Variants in ADGB observed in about 807,000 individuals in gnomAD.
The protein encoded by ADGB is androglobin.
A neutral mutation model predicts 210.5 loss-of-function variants in ADGB; 172 were observed. The ratio of observed to expected loss-of-function variants is 0.82; its 90% CI spans 0.72 to 0.93. The LOEUF is 0.93. Ranked by LOEUF, ADGB falls within the 40% of genes least tolerant of loss-of-function variation. The pLI is 0.00. For synonymous variants in ADGB, 658 were observed against 662.7 expected (o/e 0.99, Z 0.11); for missense variants, 2,025 against 1,964.8 (o/e 1.03, Z -0.58).
Position 146,692,835 on chromosome 6 carries a change from A to G in ADGB, c.1497A>G (p.Val499=), listed in dbSNP as rs1776349683. Residue 499 remains valine (V), a synonymous_variant, in exon 12 of 36, where the codon GTA becomes GTG. Coordinates refer to ENST00000397944, the MANE Select transcript of ADGB (RefSeq NM_024694.4). ...VITDEAQELI[V]KKPERFLEIS... The stretch of plus-strand genomic sequence containing the variant: ...ACTGCTACTTTTTAGAGTTAATAGT[A>G]AAGAAGCCTGAACGGTTCCTTGAGA... 5 of 1,525,164 alleles carry G rather than the reference A, an allele frequency of 3.3e-6. No individual in the cohort carries two copies. The highest frequency in any genetic ancestry group is 4.4e-6 in the Non-Finnish European group (5 of 1,132,056). The allele number at this position is 1,525,164 out of a possible 1,614,324, so 94.5% of individuals were successfully genotyped here. A position where few individuals can be genotyped will look rare whatever the true frequency, so the allele number is the denominator to read the frequency against.
intron 30 of ADGB, among the ~76,000 whole-genome samples, chr6:146,784,340 T>C (rs1777842219): frequency 6.6e-6 from 1 of 152,170 alleles, no homozygotes; most frequent in South Asian, 2.1e-4. Context: ...GTGGTGTATA[T>C]CAATAGTTTA....
At chr6:146,600,350 C>T in intron 1 of ADGB, 1 of 271,752 alleles carries the variant, frequency 3.7e-6, no homozygotes, top group Non-Finnish European at 7.8e-6. Flanking sequence ...GCCGAGGACG[C>T]CCTTCAGAAT....
chr6:146,814,868 G>A (rs773897135), intron 35 of ADGB, among the ~76,000 whole-genome samples, 164 bp from the exon 36 acceptor site: 1 of 152,152 alleles, frequency 6.6e-6, no homozygotes, highest in Non-Finnish European at 1.5e-5. Context: ...TATGTTTTGT[G>A]TACTGATAAG....
chr6:146,801,737 G>C, intron 34 of ADGB, 91 bp from the exon 35 acceptor site: 3 of 1,133,334 alleles, frequency 2.6e-6, no homozygotes, highest in South Asian at 3.6e-5. Context: ...CCACACTGTT[G>C]ATATGATTTA....
intron 27 of ADGB, among the ~76,000 whole-genome samples, chr6:146,758,734 G>C (rs748134146): frequency 2.0e-5 from 3 of 151,804 alleles, no homozygotes; most frequent in African/African-American, 7.3e-5. Context: ...AAAACACACA[G>C]AAATCACTGT....
At chr6:146,767,251 C>T (rs759097520) in intron 28 of ADGB, among the ~76,000 whole-genome samples, 5 of 151,998 alleles carry the variant, frequency 3.3e-5, no homozygotes, top group Non-Finnish European at 7.4e-5. Flanking sequence ...ATACAAAGAA[C>T]AAAATAATTA....
intron 18 of ADGB, 142 bp from the exon 19 acceptor site, chr6:146,725,941 C>T: frequency 1.8e-6 from 1 of 544,118 alleles, no homozygotes; most frequent in Non-Finnish European, 3.4e-6. Flanking sequence ...ATTCAAAGAT[C>T]CTTATCTCAT....
At chr6:146,627,189 G>A (rs1044605816) in intron 1 of ADGB, among the ~76,000 whole-genome samples, 3 of 139,348 alleles carry the variant, frequency 2.2e-5, no homozygotes, top group Non-Finnish European at 3.1e-5. Flanking sequence ...TGCACCAACC[G>A]AATATAATAA....
chr6:146,658,911 G>C (rs1365449894), intron 5 of ADGB, among the ~76,000 whole-genome samples: 6 of 152,164 alleles, frequency 3.9e-5, no homozygotes, highest in Non-Finnish European at 7.3e-5. Context: ...TGTGAGCACT[G>C]ACATACCAGT....
Position 146,652,872 on chromosome 6 carries a change from A to G in ADGB, c.331-1263A>G, listed in dbSNP as rs536342048. On this transcript the variant is annotated intron_variant, in intron 3 of 35. Transcript: ENST00000397944. ...TAACTAAGTTTTCAGGTTTAGCTTC[A>G]GTGGTTGATTTAGATTTTAAAGCAG... 7.9e-4 allele frequency among the ~76,000 whole-genome samples: 121 copies of G among 152,216 alleles called. 1 individual carries two copies. The highest frequency in any genetic ancestry group is 2.4e-3 in the Admixed American group (37 of 15,272).
chr6:146,749,974 T>C (rs1334704590), intron 26 of ADGB, among the ~76,000 whole-genome samples: 2 of 152,106 alleles, frequency 1.3e-5, no homozygotes, highest in African/African-American at 2.4e-5. Context: ...ACCCTGATTA[T>C]CATAATTCAA....
At chr6:146,800,623 A>T (rs999655686) in intron 33 of ADGB, among the ~76,000 whole-genome samples, 2 of 152,170 alleles carry the variant, frequency 1.3e-5, no homozygotes, top group Non-Finnish European at 2.9e-5. Context: ...TGGGCTCGAT[A>T]CTGTTCTATG....
chr6:146,621,062 G>C (rs1206826918), intron 1 of ADGB, among the ~76,000 whole-genome samples: 1 of 152,140 alleles, frequency 6.6e-6, no homozygotes, highest in Non-Finnish European at 1.5e-5. Flanking sequence ...CCCTGTTACT[G>C]TTTCCTCGTG....
At chr6:146,733,358 G>T in intron 21 of ADGB, 103 bp downstream of exon 21, 1 of 1,197,300 alleles carries the variant, frequency 8.4e-7, no homozygotes, top group Admixed American at 3.2e-5. Context: ...AGTCTGTGTG[G>T]ACTGTCATGG....
intron 33 of ADGB, among the ~76,000 whole-genome samples, chr6:146,797,975 A>C (rs1382081881): frequency 6.7e-6 from 1 of 149,544 alleles, no homozygotes; most frequent in Non-Finnish European, 1.5e-5. Context: ...CAGTGAAAAA[A>C]AAAAAGTTGG....
intron 10 of ADGB, among the ~76,000 whole-genome samples, chr6:146,688,084 T>C (rs534832091): frequency 4.6e-5 from 7 of 152,252 alleles, no homozygotes; most frequent in Non-Finnish European, 8.8e-5. Context: ...CTAAACAATA[T>C]GCTATCTTCT....
At chr6:146,796,999 G>GA (rs1215178185) in intron 33 of ADGB, among the ~76,000 whole-genome samples, 1 of 151,772 alleles carries the variant, frequency 6.6e-6, no homozygotes, top group Non-Finnish European at 1.5e-5. Context: ...AAATCAGCAA[G>GA]AAAAAATAAC....
chr6:146,741,279 T>A lies in ADGB; in HGVS notation c.3177+8T>A. 6.5e-7 allele frequency: 1 copy of A among 1,550,214 alleles called. No individual in the cohort carries two copies. Among genetic ancestry groups the A allele is most frequent in the Non-Finnish European group, 8.7e-7 (1 of 1,146,202 alleles). ...CTTTATACCAAGAATAAGGTAGGTA[T>A]AAAATTTATTCTCCACATATGATAG... On this transcript the variant is annotated splice_region_variant and intron_variant, in intron 25 of 35. Transcript: ENST00000397944.
intron 22 of ADGB, among the ~76,000 whole-genome samples, chr6:146,735,164 A>C (rs1289648960): frequency 6.6e-6 from 1 of 152,222 alleles, no homozygotes; most frequent in African/African-American, 2.4e-5. Context: ...TGTCTAATTC[A>C]ATGGGTTTTT....
Sources: gnomAD v4.1 joint callset for allele counts (sites outside exome capture counted in the v4.1 genomes callset) on GRCh38, gnomAD v4.1.1 for gene constraint, MANE v1.5 for transcripts, NCBI Gene and HGNC (gene_info 2026-07-23, HGNC 2026-07-21) for gene names.